Variants in DHRS7C observed in about 807,000 individuals in gnomAD.
DHRS7C encodes the protein dehydrogenase/reductase 7C.
DHRS7C carries 28 observed loss-of-function variants against 29.6 expected under a neutral mutation model. The observed-to-expected ratio is 0.95, with a 90% CI of 0.70 to 1.30. The LOEUF (loss-of-function observed/expected upper bound fraction) is 1.30. Ranked by LOEUF, DHRS7C falls within the 50% of genes most tolerant of loss-of-function variation. DHRS7C has a pLI of 0.00. For missense variants in DHRS7C, 403 were observed against 393.3 expected (o/e 1.02, Z -0.21); for synonymous variants, 158 against 160.2 (o/e 0.99, Z 0.10).
intron 2 of DHRS7C, among the ~76,000 whole-genome samples, chr17:9,780,256 C>T (rs947625635): frequency 3.3e-5 from 5 of 151,950 alleles, no homozygotes; most frequent in Non-Finnish European, 5.9e-5. Context: ...AATCTTGACA[C>T]GAATATGCAG....
Position 9,781,587 on chromosome 17 carries a change from A to G in DHRS7C, c.162T>C (p.Ala54=), listed in dbSNP as rs1354344754. ...TTGCCCCACCTGTGTGGAACACCCG[A>G]GCACACTCTGTGGGGAAGAAGGAAA... The part of the protein sequence containing the change: ...DAISGLGKEC[A]RVFHTGGARL... Residue 54 remains alanine (A), a synonymous_variant, in exon 2 of 6, where the codon GCT becomes GCC. Coordinates refer to ENST00000571134, the MANE Select transcript of DHRS7C (RefSeq NM_001105571.3). 3.1e-6 allele frequency: 5 copies of G among 1,613,666 alleles called. No individual in the cohort carries two copies. Among genetic ancestry groups the G allele is most frequent in the Non-Finnish European group, 3.4e-6 (4 of 1,179,872 alleles).
chr17:9,778,254 C>T (rs1036473988), intron 3 of DHRS7C, among the ~76,000 whole-genome samples: 4 of 151,868 alleles, frequency 2.6e-5, no homozygotes, highest in African/African-American at 7.3e-5. Flanking sequence ...ATTACCCAGG[C>T]GTGGTGGCGG....
chr17:9,776,362 A>G (rs1472340243), intron 4 of DHRS7C, among the ~76,000 whole-genome samples: 1 of 152,198 alleles, frequency 6.6e-6, no homozygotes, highest in Non-Finnish European at 1.5e-5. Context: ...CGACACTTTG[A>G]TCATGGACTT....
chr17:9,781,423 A>T, intron 2 of DHRS7C, 59 bp downstream of exon 2: 1 of 1,530,518 alleles, frequency 6.5e-7, no homozygotes, highest in Non-Finnish European at 9.0e-7. Context: ...GGTCCTGAAC[A>T]ATCAATGGAG....
chr17:9,780,562 A>G (rs878991441), intron 2 of DHRS7C, among the ~76,000 whole-genome samples: 1 of 152,126 alleles, frequency 6.6e-6, no homozygotes, highest in East Asian at 1.9e-4. Flanking sequence ...CTGCATCAAG[A>G]CTCTATTGAT....
rs1297838139 is a variant in DHRS7C, at chr17:9,777,302, G to A, written c.479-17C>T. On this transcript the variant is annotated splice_polypyrimidine_tract_variant and intron_variant, in intron 3 of 5. Transcript: ENST00000571134. ...GAAGCAGGGCTGGAAAACACAGGAC[G>A]ATGCATCATGGTTAAAACTTTGAGA... is the stretch of plus-strand genomic sequence containing the variant. 1.3e-5 allele frequency: 21 copies of A among 1,606,922 alleles called. No individual in the cohort carries two copies. Among genetic ancestry groups the A allele is most frequent in the Non-Finnish European group, 1.6e-5 (19 of 1,175,306 alleles).
At position 9,775,451 on chromosome 17, in the gene DHRS7C, C is replaced by T. The variant is rs2066356770; in HGVS notation, c.571+1742G>A. On this transcript the variant is annotated intron_variant, in intron 4 of 5. Transcript: ENST00000571134. This position sits in a 1 kb window ranked among gnomAD's most constrained non-coding sequence, Gnocchi z 4.2. ...GGGACAATGGGATGTCCAATGCCAG[C>T]CTGGGGCTTTGGACATTGAGCACGG... is the stretch of plus-strand genomic sequence containing the variant. Among the ~76,000 whole-genome samples the T allele has an allele frequency of 6.6e-6, 1 of 152,144 alleles. No homozygotes were observed. The highest frequency in any genetic ancestry group is 2.1e-4 in the South Asian group (1 of 4,820).
chr17:9,779,452 C>T (rs1389540675), intron 3 of DHRS7C, among the ~76,000 whole-genome samples: 1 of 152,134 alleles, frequency 6.6e-6, no homozygotes, highest in East Asian at 1.9e-4. Context: ...AGCAGGTCAA[C>T]CACAAGGTTG....
At chr17:9,788,040 G>A (rs1324869748) in intron 1 of DHRS7C, among the ~76,000 whole-genome samples, 3 of 152,060 alleles carry the variant, frequency 2.0e-5, no homozygotes, top group Non-Finnish European at 2.9e-5. Context: ...ATTGTAAGAT[G>A]CTATGGATGG....
intron 4 of DHRS7C, 62 bp downstream of exon 4, chr17:9,777,131 C>T: frequency 1.4e-6 from 2 of 1,419,716 alleles, no homozygotes; most frequent in Non-Finnish European, 1.9e-6. Flanking sequence ...GACATAACAG[C>T]TCTTGCCTTA....
At chr17:9,771,757 C>A in intron 5 of DHRS7C, 61 bp from the exon 6 acceptor site, 1 of 1,327,370 alleles carries the variant, frequency 7.5e-7, no homozygotes. Flanking sequence ...CTGGTCAGAG[C>A]CCTGCACATG....
intron 1 of DHRS7C, 150 bp downstream of exon 1, chr17:9,790,981 G>A: frequency 1.0e-6 from 1 of 975,914 alleles, no homozygotes; most frequent in East Asian, 2.8e-5. Flanking sequence ...GAAACTTGCT[G>A]GTTAATGATA....
At chr17:9,778,394 CA>C (rs60847065) in intron 3 of DHRS7C, among the ~76,000 whole-genome samples, 25,953 of 82,776 alleles carry the variant, frequency 0.31, 1,954 homozygotes, top group East Asian at 0.42. Context: ...GACTCCGTCT[CA>C]AAAAAAAAAA....
intron 3 of DHRS7C, among the ~76,000 whole-genome samples, chr17:9,777,955 A>T (rs1295232479): frequency 6.6e-6 from 1 of 152,236 alleles, no homozygotes; most frequent in Non-Finnish European, 1.5e-5. Flanking sequence ...AAGTGAATTT[A>T]ATTTAAAAAT....
chr17:9,771,729 A>T (rs370291490), intron 5 of DHRS7C, 33 bp from the exon 6 acceptor site: 1 of 1,389,070 alleles, frequency 7.2e-7, no homozygotes, highest in Non-Finnish European at 9.4e-7. Context: ...GGGGGTTATG[A>T]CCTCCGTGGG....
chr17:9,779,627 A>G (rs2066382027), intron 3 of DHRS7C, among the ~76,000 whole-genome samples, 198 bp downstream of exon 3: 3 of 152,296 alleles, frequency 2.0e-5, no homozygotes, highest in South Asian at 4.1e-4. Context: ...AAATATACCA[A>G]TCAGATACTT....
At chr17:9,784,513 A>G (rs1010172282) in intron 1 of DHRS7C, among the ~76,000 whole-genome samples, 1 of 152,156 alleles carries the variant, frequency 6.6e-6, no homozygotes, top group Non-Finnish European at 1.5e-5. Context: ...TTACAGCAAA[A>G]CAAAAACGAA....
In DHRS7C at chr17:9,774,869, A is replaced by G. The variant is rs534099272; in HGVS notation, c.572-1947T>C. 1.3e-5 allele frequency among the ~76,000 whole-genome samples: 2 copies of G among 152,306 alleles called. No individual in the cohort carries two copies. Among genetic ancestry groups the G allele is most frequent in the South Asian group, 4.2e-4 (2 of 4,816 alleles). ...CAGAGGAAGAAGAGAATTTGGGGCCAGTCCAGGGTGGCATGGCTTCAGTTC... is the reference window on the plus strand; with the variant it reads ...CAGAGGAAGAAGAGAATTTGGGGCCGGTCCAGGGTGGCATGGCTTCAGTTC... On this transcript the variant is annotated intron_variant, in intron 4 of 5. Transcript: ENST00000571134. This position sits in a 1 kb window ranked among gnomAD's most constrained non-coding sequence, Gnocchi z 5.0.
intron 1 of DHRS7C, among the ~76,000 whole-genome samples, chr17:9,790,290 C>T (rs2066447604): frequency 6.6e-6 from 1 of 152,106 alleles, no homozygotes; most frequent in African/African-American, 2.4e-5. Flanking sequence ...ATAATAAAAA[C>T]AACAGCAAAA....
Sources: gnomAD v4.1 joint callset for allele counts (sites outside exome capture counted in the v4.1 genomes callset) on GRCh38, gnomAD v4.1.1 for gene constraint, Gnocchi (gnomAD v3.1) non-coding constraint, MANE v1.5 for transcripts, NCBI Gene and HGNC (gene_info 2026-07-23, HGNC 2026-07-21) for gene names.